DLG2: variants seen among roughly 807,000 people sequenced by gnomAD.
The protein encoded by DLG2 is discs large MAGUK scaffold protein 2.
DLG2 carries 45 observed loss-of-function variants against 132.5 expected under a neutral mutation model. The ratio of observed to expected loss-of-function variants is 0.34; its 90% CI spans 0.27 to 0.44. The LOEUF is 0.44. Among genes scored for constraint, DLG2 ranks in the 20% least tolerant of loss-of-function variants. DLG2 has a pLI of 1.00. For missense variants in DLG2, 1,045 were observed against 1,196.9 expected (o/e 0.87, Z 1.87); for synonymous variants, 424 against 419.6 (o/e 1.01, Z -0.13).
chr11:85,581,029 G>A (rs917555482), intron 3 of DLG2, among the ~76,000 whole-genome samples: 8 of 152,170 alleles, frequency 5.3e-5, no homozygotes, highest in African/African-American at 1.7e-4. Context: ...TAATGGGGGG[G>A]CACCAGCAGG....
At chr11:84,802,668 G>A (rs1479199067) in intron 6 of DLG2, among the ~76,000 whole-genome samples, 1 of 151,278 alleles carries the variant, frequency 6.6e-6, no homozygotes, top group African/African-American at 2.4e-5. Flanking sequence ...TCTGGGTGGT[G>A]CAGTCAATAG....
At chr11:84,945,393 C>T (rs1397696321) in intron 6 of DLG2, among the ~76,000 whole-genome samples, 1 of 152,160 alleles carries the variant, frequency 6.6e-6, no homozygotes, top group Middle Eastern at 3.2e-3. Context: ...GCTCTCTTCC[C>T]TTACTTTCCC....
intron 11 of DLG2, among the ~76,000 whole-genome samples, chr11:84,019,790 A>G (rs566601403): frequency 3.3e-5 from 5 of 152,180 alleles, no homozygotes; most frequent in Non-Finnish European, 5.9e-5. Context: ...CCGGCAAACT[A>G]CTGGAAGCTG....
intron 6 of DLG2, among the ~76,000 whole-genome samples, chr11:85,107,414 A>C (rs1259264205): frequency 6.6e-6 from 1 of 152,054 alleles, no homozygotes; most frequent in Non-Finnish European, 1.5e-5. Flanking sequence ...ATATTCCTCA[A>C]AATGATTAAA....
intron 6 of DLG2, among the ~76,000 whole-genome samples, chr11:84,541,262 G>A (rs1220329211): frequency 6.6e-6 from 1 of 151,890 alleles, no homozygotes; most frequent in Non-Finnish European, 1.5e-5. Flanking sequence ...GCTCTAAGGG[G>A]AGTAGAGGCA....
Position 84,600,086 on chromosome 11 carries a change from GA to G in DLG2, c.358-65356del, listed in dbSNP as rs11371309. Among the ~76,000 whole-genome samples the G allele has an allele frequency of 7.8e-3, 843 of 108,672 alleles. 8 individuals carry two copies. The highest frequency in any genetic ancestry group is 0.016 in the African/African-American group (453 of 28,424). The allele number at this position is 108,672 out of a possible 152,430, so 71.3% of individuals were successfully genotyped here. A position where few individuals can be genotyped will look rare whatever the true frequency, so the allele number is the denominator to read the frequency against. On this transcript the variant is annotated intron_variant, in intron 6 of 27. Coordinates refer to ENST00000376104, the MANE Select transcript of DLG2 (RefSeq NM_001142699.3). Reference sequence around the variant, plus strand: ...AGCCTGGGCCACAGAGTGACACCTTGAAAAAAAAAAAGTAAGAAGGAAGGAA... The same window carrying G: ...AGCCTGGGCCACAGAGTGACACCTTGAAAAAAAAAAGTAAGAAGGAAGGAA...
intron 16 of DLG2, among the ~76,000 whole-genome samples, chr11:83,865,257 C>T (rs2062104206): frequency 6.6e-6 from 1 of 152,082 alleles, no homozygotes; most frequent in African/African-American, 2.4e-5. Flanking sequence ...AGGTTGCAGT[C>T]AAGAATCCTT....
At chr11:84,038,165 A>G (rs891846295) in intron 11 of DLG2, among the ~76,000 whole-genome samples, 2 of 151,892 alleles carry the variant, frequency 1.3e-5, no homozygotes, top group Non-Finnish European at 2.9e-5. Context: ...GTTCCCCTCT[A>G]TGGCTTCTCC....
intron 3 of DLG2, among the ~76,000 whole-genome samples, chr11:85,500,598 T>A (rs1483815411): frequency 2.7e-5 from 4 of 150,074 alleles, no homozygotes; most frequent in African/African-American, 9.8e-5. Flanking sequence ...AATCAAAGTG[T>A]AAAATCACAA....
At chr11:83,664,064 C>T (rs1374466921) in intron 18 of DLG2, among the ~76,000 whole-genome samples, 1 of 152,164 alleles carries the variant, frequency 6.6e-6, no homozygotes, top group Non-Finnish European at 1.5e-5. Flanking sequence ...GATGATAGCT[C>T]TCTTACAGAG....
At chr11:85,068,435 T>C (rs999324834) in intron 6 of DLG2, among the ~76,000 whole-genome samples, 83 of 152,156 alleles carry the variant, frequency 5.5e-4, no homozygotes, top group Admixed American at 1.8e-3. Flanking sequence ...CTTAAGCTGA[T>C]AGGCAACTTC....
chr11:83,790,487 A>C (rs1330101511), intron 17 of DLG2: 2 of 1,230,132 alleles, frequency 1.6e-6, no homozygotes, highest in African/African-American at 3.0e-5. Flanking sequence ...CCATGGGACC[A>C]CTACTTTGCA....
At chr11:85,475,436 TTTTA>T (rs1299089760) in intron 3 of DLG2, among the ~76,000 whole-genome samples, 5 of 152,022 alleles carry the variant, frequency 3.3e-5, no homozygotes, top group South Asian at 2.1e-4. Flanking sequence ...TATATGCCAA[TTTTA>T]TTTATGTGTC....
intron 3 of DLG2, among the ~76,000 whole-genome samples, chr11:85,305,085 T>C (rs1370418871): frequency 2.0e-5 from 3 of 152,176 alleles, no homozygotes; most frequent in Admixed American, 6.5e-5. Context: ...TATTAGGGAA[T>C]AGAGTAAGGG....
At chr11:83,970,644 G>C (rs2091151445) in intron 12 of DLG2, among the ~76,000 whole-genome samples, 1 of 152,130 alleles carries the variant, frequency 6.6e-6, no homozygotes, top group African/African-American at 2.4e-5. Context: ...GTAAGCTTTA[G>C]TTTTGACATC....
At chr11:85,566,550 G>A (rs1236184271) in intron 3 of DLG2, among the ~76,000 whole-genome samples, 2 of 152,016 alleles carry the variant, frequency 1.3e-5, no homozygotes, top group African/African-American at 4.8e-5. Flanking sequence ...TTCTGATGAG[G>A]GCTCTCTTCA....
At chr11:84,750,393 T>C (rs76293701) in intron 6 of DLG2, among the ~76,000 whole-genome samples, 1 of 152,300 alleles carries the variant, frequency 6.6e-6, no homozygotes, top group Non-Finnish European at 1.5e-5. Context: ...AGGTTTGAAG[T>C]CGGAGTCTGA....
At chr11:84,743,214 T>G (rs905477555) in intron 6 of DLG2, among the ~76,000 whole-genome samples, 1 of 152,132 alleles carries the variant, frequency 6.6e-6, no homozygotes, top group Non-Finnish European at 1.5e-5. Flanking sequence ...TTGACATTGG[T>G]GTAAAGAGAG....
At chr11:84,708,971 T>C (rs1214424394) in intron 6 of DLG2, among the ~76,000 whole-genome samples, 1 of 151,830 alleles carries the variant, frequency 6.6e-6, no homozygotes. Flanking sequence ...AGGAAAAAAG[T>C]TGTCTAGTTG....
Sources: allele counts gnomAD v4.1 joint callset (sites outside exome capture counted in the v4.1 genomes callset), GRCh38; gene constraint gnomAD v4.1.1; transcripts MANE v1.5; gene names NCBI Gene and HGNC (gene_info 2026-07-23, HGNC 2026-07-21).